The following ABCC4 variants were observed in gnomAD, a reference collection of about 807,000 sequenced individuals.
The protein encoded by ABCC4 is ATP binding cassette subfamily C member 4 (PEL blood group).
Under a neutral mutation model 168.5 loss-of-function variants are expected in ABCC4, and 102 were observed. That is an observed-to-expected ratio of 0.61 (90% CI 0.52 to 0.71). ABCC4 has a LOEUF of 0.71. Among genes scored for constraint, ABCC4 ranks in the 30% least tolerant of loss-of-function variants. ABCC4 has a pLI of 0.00. For synonymous variants in ABCC4, 617 were observed against 590.7 expected (o/e 1.04, Z -0.65); for missense variants, 1,402 against 1,605.8 (o/e 0.87, Z 2.17).
At chr13:95,127,524 C>T (rs370424948) in intron 19 of ABCC4, among the ~76,000 whole-genome samples, 2 of 152,146 alleles carry the variant, frequency 1.3e-5, no homozygotes, top group Admixed American at 1.3e-4. Flanking sequence ...GTGATCCACC[C>T]GCTTTGGCCT....
intron 19 of ABCC4, among the ~76,000 whole-genome samples, chr13:95,157,596 C>A (rs931768687): frequency 1.3e-5 from 2 of 152,148 alleles, no homozygotes; most frequent in Admixed American, 1.3e-4. Flanking sequence ...TCTAAGGCAG[C>A]ACACTGGTTT....
intron 4 of ABCC4, among the ~76,000 whole-genome samples, chr13:95,211,686 G>A (rs1348665672): frequency 1.3e-5 from 2 of 152,112 alleles, no homozygotes; most frequent in Admixed American, 6.5e-5. Context: ...ATATGGAACA[G>A]TACGTGTGGT....
intron 1 of ABCC4, among the ~76,000 whole-genome samples, chr13:95,272,688 G>A (rs2040874573): frequency 6.6e-6 from 1 of 151,992 alleles, no homozygotes; most frequent in South Asian, 2.1e-4. Context: ...AGGAGTTTGA[G>A]ACCAGCCTGG....
chr13:95,247,675 G>C lies in ABCC4; in HGVS notation c.153C>G (p.Asp51Glu). The C allele has an allele frequency of 6.2e-7, 1 of 1,613,976 alleles. No individual in the cohort carries two copies. The part of the protein sequence containing the change: ...EDDMYSVLPE[D>E]RSQHLGEELQ... ...ACTCCTCTCCAAGGTGCTGTGAGCG[G>C]TCTTCTGGCAGCACTGAATACATAT... The change falls in exon 2 of 31, where the codon GAC becomes GAG. Residue 51 changes from aspartate (D) to glutamate (E), a missense_variant. Physicochemically the swap from Asp to Glu is conservative, Grantham distance 45. Transcript: ENST00000645237.
At chr13:95,149,969 A>G (rs949515506) in intron 19 of ABCC4, among the ~76,000 whole-genome samples, 2 of 152,192 alleles carry the variant, frequency 1.3e-5, no homozygotes, top group Non-Finnish European at 2.9e-5. Context: ...CTGTTTTCTC[A>G]GATGTTGCTG....
chr13:95,145,632 A>G (rs920993717), intron 19 of ABCC4, among the ~76,000 whole-genome samples: 95 of 151,774 alleles, frequency 6.3e-4, no homozygotes, highest in African/African-American at 1.9e-3. Context: ...AAAAAAAAAA[A>G]AGAGACACAT....
intron 8 of ABCC4, among the ~76,000 whole-genome samples, chr13:95,198,895 G>A (rs190999169): frequency 1.2e-3 from 180 of 152,242 alleles, no homozygotes; most frequent in African/African-American, 4.2e-3. Context: ...ACTCATAAGT[G>A]AGAGTTGAAC....
rs557458126 is a variant in ABCC4, at chr13:95,145,762, G to A, written c.2455+15427C>T. 4.6e-5 allele frequency among the ~76,000 whole-genome samples: 7 copies of A among 152,252 alleles called. No individual in the cohort carries two copies. In the South Asian group the frequency reaches 8.3e-4, roughly 18 times the overall value. ...GTACATATACACCATGGAATACTAC[G>A]CAGCCATAGAAAAGAACAAACTTAT... On this transcript the variant is annotated intron_variant, in intron 19 of 30. Coordinates refer to ENST00000645237, the MANE Select transcript of ABCC4 (RefSeq NM_005845.5).
intron 1 of ABCC4, among the ~76,000 whole-genome samples, chr13:95,286,174 C>T (rs2041252576): frequency 6.8e-6 from 1 of 146,122 alleles, no homozygotes; most frequent in Non-Finnish European, 1.5e-5. Flanking sequence ...GGCTGGAGTG[C>T]AGTGGCACAA....
chr13:95,262,631 C>CT (rs35209572), intron 1 of ABCC4, among the ~76,000 whole-genome samples: 229 of 142,186 alleles, frequency 1.6e-3, no homozygotes, highest in Non-Finnish European at 1.6e-3. Context: ...GACACTTAGA[C>CT]TTTTTTTTTT....
At chr13:95,086,542 C>T (rs2139340544) in intron 20 of ABCC4, among the ~76,000 whole-genome samples, 1 of 152,268 alleles carries the variant, frequency 6.6e-6, no homozygotes, top group African/African-American at 2.4e-5. Context: ...AACTACAATG[C>T]CTGTTTGGCA....
intron 20 of ABCC4, among the ~76,000 whole-genome samples, chr13:95,110,489 G>A (rs1158153455): frequency 6.6e-6 from 1 of 151,830 alleles, no homozygotes; most frequent in East Asian, 1.9e-4. Context: ...AAATAAATTT[G>A]CACTATTAAA....
At chr13:95,056,752 A>T (rs2139273165) in intron 26 of ABCC4, among the ~76,000 whole-genome samples, 1 of 152,354 alleles carries the variant, frequency 6.6e-6, no homozygotes, top group African/African-American at 2.4e-5. Context: ...TTCAGGGAGT[A>T]GAAATACCAA....
At chr13:95,052,746 T>C (rs2032895263) in intron 27 of ABCC4, among the ~76,000 whole-genome samples, 1 of 152,212 alleles carries the variant, frequency 6.6e-6, no homozygotes, top group Admixed American at 6.5e-5. Flanking sequence ...AGAAATTCCC[T>C]AAGAACAGAG....
chr13:95,238,898 G>A (rs1214861138), intron 3 of ABCC4, among the ~76,000 whole-genome samples: 1 of 152,134 alleles, frequency 6.6e-6, no homozygotes, highest in African/African-American at 2.4e-5. Flanking sequence ...AATCAGAACT[G>A]CTGCCAAATG....
At chr13:95,214,714 C>T (rs975791816) in intron 4 of ABCC4, among the ~76,000 whole-genome samples, 7 of 151,816 alleles carry the variant, frequency 4.6e-5, no homozygotes, top group South Asian at 2.1e-4. Flanking sequence ...GGTGAGACCC[C>T]GCCTCTACTA....
At chr13:95,176,391 AG>A in intron 13 of ABCC4, among the ~76,000 whole-genome samples, 1 of 152,028 alleles carries the variant, frequency 6.6e-6, no homozygotes, top group Middle Eastern at 3.4e-3. Flanking sequence ...GCTACCCGGG[AG>A]GCTGAGGCAG....
intron 1 of ABCC4, among the ~76,000 whole-genome samples, chr13:95,256,871 T>C (rs1469323207): frequency 6.6e-6 from 1 of 152,210 alleles, no homozygotes; most frequent in African/African-American, 2.4e-5. Context: ...AGAGATGACA[T>C]AGTTCTCTCT....
Position 95,034,586 on chromosome 13 carries a change from C to T in ABCC4, c.3870+19G>A. Reference sequence around the variant, plus strand: ...CCGCTGAGACAAACTTTAATTACAACTCCTTGGAGCACGCTCACCTGTTTT... The same window carrying T: ...CCGCTGAGACAAACTTTAATTACAATTCCTTGGAGCACGCTCACCTGTTTT... On this transcript the variant is annotated intron_variant, in intron 30 of 30. Coordinates refer to ENST00000645237, the MANE Select transcript of ABCC4 (RefSeq NM_005845.5). The T allele has an allele frequency of 6.2e-7, 1 of 1,607,118 alleles. No individual in the cohort carries two copies. The highest frequency in any genetic ancestry group is 8.5e-7 in the Non-Finnish European group (1 of 1,178,060).
Sources: gnomAD v4.1 joint callset for allele counts (sites outside exome capture counted in the v4.1 genomes callset) on GRCh38, gnomAD v4.1.1 for gene constraint, MANE v1.5 for transcripts, NCBI Gene and HGNC (gene_info 2026-07-23, HGNC 2026-07-21) for gene names.